The following DLG2 variants were observed in gnomAD, a reference collection of about 807,000 sequenced individuals.
DLG2 encodes the protein disks large homolog 2.
A neutral mutation model predicts 132.5 loss-of-function variants in DLG2; 45 were observed. That is an observed-to-expected ratio of 0.34 (90% CI 0.27 to 0.44). The LOEUF (loss-of-function observed/expected upper bound fraction) is 0.44, where lower values mean the gene tolerates loss of function less well. Among genes scored for constraint, DLG2 ranks in the 20% least tolerant of loss-of-function variants. The probability of loss-of-function intolerance (pLI) is 1.00; values close to 1 mark genes in which losing one functional copy is unlikely to be tolerated. For missense variants in DLG2, 1,045 were observed against 1,196.9 expected (o/e 0.87, Z 1.87); for synonymous variants, 424 against 419.6 (o/e 1.01, Z -0.13).
chr11:84,804,774 A>G (rs1263142563), intron 6 of DLG2, among the ~76,000 whole-genome samples: 1 of 152,156 alleles, frequency 6.6e-6, no homozygotes, highest in East Asian at 1.9e-4. Context: ...ACCCCACCCA[A>G]AAAGACCAAA....
At chr11:84,388,204 G>A (rs989896269) in intron 7 of DLG2, among the ~76,000 whole-genome samples, 6 of 152,120 alleles carry the variant, frequency 3.9e-5, no homozygotes, top group Non-Finnish European at 7.4e-5. Context: ...TATTACTGGA[G>A]GGAAGTACCA....
chr11:83,975,618 A>C (rs1280386969), intron 12 of DLG2, among the ~76,000 whole-genome samples: 1 of 151,972 alleles, frequency 6.6e-6, no homozygotes, highest in African/African-American at 2.4e-5. Flanking sequence ...AGGAAATAAA[A>C]CTGTAAGGAA....
At chr11:83,642,057 G>A (rs1040425789) in intron 18 of DLG2, among the ~76,000 whole-genome samples, 2 of 152,154 alleles carry the variant, frequency 1.3e-5, no homozygotes, top group African/African-American at 4.8e-5. Flanking sequence ...ACTCCACAAA[G>A]GAAGAGGATG....
intron 17 of DLG2, among the ~76,000 whole-genome samples, chr11:83,811,569 A>G (rs896511015): frequency 6.6e-6 from 1 of 152,140 alleles, no homozygotes; most frequent in African/African-American, 2.4e-5. Flanking sequence ...AGTGTGTAAA[A>G]TTCACGACAT....
chr11:85,167,701 C>G (rs1413202033), intron 4 of DLG2, among the ~76,000 whole-genome samples: 1 of 152,110 alleles, frequency 6.6e-6, no homozygotes, highest in Non-Finnish European at 1.5e-5. Flanking sequence ...TAAAAATACA[C>G]AGGTTTCCCT....
intron 11 of DLG2, among the ~76,000 whole-genome samples, chr11:84,017,712 C>T (rs1277148529): frequency 1.3e-5 from 2 of 151,892 alleles, no homozygotes; most frequent in Non-Finnish European, 2.9e-5. Flanking sequence ...GAAAAGGATG[C>T]CATATTCACT....
At chr11:85,255,212 T>C (rs143421182) in intron 4 of DLG2, among the ~76,000 whole-genome samples, 63 of 152,276 alleles carry the variant, frequency 4.1e-4, no homozygotes, top group African/African-American at 1.5e-3. Context: ...GGGCTTATAA[T>C]TAAAAGGATT....
rs1404524812 is a variant in DLG2, at chr11:84,372,837, T to C, written c.520-121546A>G. On this transcript the variant is annotated intron_variant, in intron 7 of 27. Transcript: ENST00000376104. ...ACTGTCATTTATTCCCAAGATTTAGTCCACTAGTTCCCATCTAAGTTTGTG... is the reference window on the plus strand; with the variant it reads ...ACTGTCATTTATTCCCAAGATTTAGCCCACTAGTTCCCATCTAAGTTTGTG... 2.6e-5 allele frequency among the ~76,000 whole-genome samples: 4 copies of C among 152,132 alleles called. No homozygotes were observed. In the East Asian group the frequency reaches 7.7e-4, roughly 29 times the overall value.
intron 3 of DLG2, among the ~76,000 whole-genome samples, chr11:85,363,233 TAAG>T (rs2084292589): frequency 6.6e-6 from 1 of 152,212 alleles, no homozygotes; most frequent in Admixed American, 6.6e-5. Context: ...AATGTCCTAC[TAAG>T]AAGAAATACA....
chr11:85,397,113 G>A (rs796733752), intron 3 of DLG2, among the ~76,000 whole-genome samples: 12 of 152,212 alleles, frequency 7.9e-5, no homozygotes, highest in African/African-American at 2.9e-4. Flanking sequence ...AAGAGAGCAG[G>A]GGCCAATATT....
At position 84,287,615 on chromosome 11, in the gene DLG2, G is replaced by A. The variant is rs78564412; in HGVS notation, c.520-36324C>T. Among the ~76,000 whole-genome samples, 528 of 151,998 alleles carry A rather than the reference G, an allele frequency of 3.5e-3. 3 individuals carry two copies. Among genetic ancestry groups the A allele is most frequent in the African/African-American group, 0.012 (500 of 41,474 alleles). The stretch of plus-strand genomic sequence containing the variant: ...GTAGCAGCTGCATGTTTTAGTCAGT[G>A]TTGCGTAAGTCTCTGTTTCTATCTC... On this transcript the variant is annotated intron_variant, in intron 7 of 27. Transcript: ENST00000376104.
At chr11:85,146,894 T>C (rs1427437115) in intron 5 of DLG2, among the ~76,000 whole-genome samples, 1 of 152,178 alleles carries the variant, frequency 6.6e-6, no homozygotes, top group Middle Eastern at 3.2e-3. Flanking sequence ...CAAACTCAGG[T>C]TCCTACCACT....
intron 7 of DLG2, among the ~76,000 whole-genome samples, chr11:84,514,355 G>T (rs1159974962): frequency 3.3e-5 from 5 of 152,006 alleles, no homozygotes; most frequent in African/African-American, 1.2e-4. Flanking sequence ...ATACCTAAAA[G>T]AAAGGAAATC....
At chr11:84,084,039 T>C (rs2096939242) in intron 10 of DLG2, among the ~76,000 whole-genome samples, 2 of 152,258 alleles carry the variant, frequency 1.3e-5, no homozygotes, top group Middle Eastern at 6.8e-3. Flanking sequence ...CTCCAGTAGA[T>C]ATGTGAACCT....
At chr11:85,022,441 T>C (rs2060159360) in intron 6 of DLG2, among the ~76,000 whole-genome samples, 1 of 151,988 alleles carries the variant, frequency 6.6e-6, no homozygotes, top group South Asian at 2.1e-4. Context: ...TATTTTAAAA[T>C]GGTAAGGGAA....
At chr11:84,355,833 C>T (rs958440111) in intron 7 of DLG2, among the ~76,000 whole-genome samples, 3 of 152,202 alleles carry the variant, frequency 2.0e-5, no homozygotes, top group African/African-American at 4.8e-5. Context: ...AGGGACAGAA[C>T]ATGACTTGCA....
intron 6 of DLG2, among the ~76,000 whole-genome samples, chr11:85,055,556 A>C (rs1335717740): frequency 6.6e-6 from 1 of 152,196 alleles, no homozygotes; most frequent in Non-Finnish European, 1.5e-5. Context: ...TGGACTGGGG[A>C]AACAAAAATT....
chr11:85,425,452 A>C (rs2090640022), intron 3 of DLG2, among the ~76,000 whole-genome samples: 1 of 152,174 alleles, frequency 6.6e-6, no homozygotes, highest in Non-Finnish European at 1.5e-5. Flanking sequence ...ATATTTAAAT[A>C]TTTATACCCA....
At chr11:85,011,597 C>T (rs569351829) in intron 6 of DLG2, among the ~76,000 whole-genome samples, 1 of 152,182 alleles carries the variant, frequency 6.6e-6, no homozygotes, top group Non-Finnish European at 1.5e-5. Flanking sequence ...TATTTATATA[C>T]TCTCTCCAGG....
Sources: gnomAD v4.1 joint callset for allele counts (sites outside exome capture counted in the v4.1 genomes callset) on GRCh38, gnomAD v4.1.1 for gene constraint, MANE v1.5 for transcripts, NCBI Gene and HGNC (gene_info 2026-07-23, HGNC 2026-07-21) for gene names.